THSD7B: variants seen among roughly 807,000 people sequenced by gnomAD.
The protein encoded by THSD7B is thrombospondin type 1 domain containing 7B.
In THSD7B, 138 loss-of-function variants were observed where a neutral mutation model predicts 213.6. That is an observed-to-expected ratio of 0.65 (90% CI 0.56 to 0.74). The LOEUF (loss-of-function observed/expected upper bound fraction) is 0.74. Among genes scored for constraint, THSD7B ranks in the 30% least tolerant of loss-of-function variants. THSD7B has a pLI of 0.00. For missense variants in THSD7B, 1,931 were observed against 1,991.5 expected (o/e 0.97, Z 0.58); for synonymous variants, 742 against 687.0 (o/e 1.08, Z -1.25).
chr2:137,090,049 T>C (rs1687921047), intron 3 of THSD7B, among the ~76,000 whole-genome samples: 1 of 151,472 alleles, frequency 6.6e-6, no homozygotes, highest in Admixed American at 6.6e-5. Flanking sequence ...AACTTACTCA[T>C]GTCACCAAAC....
chr2:137,200,222 G>A (rs2375119), intron 7 of THSD7B, among the ~76,000 whole-genome samples: 126,833 of 152,104 alleles, frequency 0.83, 53,819 homozygotes, highest in Middle Eastern at 0.94. Flanking sequence ...GTATATTCCT[G>A]TATGCCTTCC....
chr2:137,285,118 T>C (rs377370301), intron 12 of THSD7B, among the ~76,000 whole-genome samples: 1 of 152,134 alleles, frequency 6.6e-6, no homozygotes, highest in Non-Finnish European at 1.5e-5. Flanking sequence ...GGATAGTTAG[T>C]TCTTCTTGTT....
intron 12 of THSD7B, among the ~76,000 whole-genome samples, chr2:137,284,458 C>T (rs1683118449): frequency 6.6e-6 from 1 of 152,014 alleles, no homozygotes; most frequent in Admixed American, 6.5e-5. Context: ...TATATGTTCG[C>T]TCTTGCTTCT....
chr2:137,659,807 C>A, intron 25 of THSD7B, 61 bp downstream of exon 25: 1 of 1,485,268 alleles, frequency 6.7e-7, no homozygotes, highest in Non-Finnish European at 9.1e-7. Context: ...CACATGCAAT[C>A]AGATGTTCTC....
At chr2:137,339,024 C>T (rs1460263192) in intron 12 of THSD7B, among the ~76,000 whole-genome samples, 3 of 152,058 alleles carry the variant, frequency 2.0e-5, no homozygotes, top group East Asian at 1.9e-4. Flanking sequence ...CTCAAGAAAT[C>T]TGTAATCTCT....
intron 15 of THSD7B, among the ~76,000 whole-genome samples, chr2:137,545,563 C>T (rs1354740626): frequency 6.6e-6 from 1 of 151,854 alleles, no homozygotes; most frequent in Non-Finnish European, 1.5e-5. Context: ...GAATCCAAGA[C>T]AAGTAAAGTA....
At chr2:136,951,957 C>T (rs773891346) in intron 2 of THSD7B, among the ~76,000 whole-genome samples, 3 of 152,130 alleles carry the variant, frequency 2.0e-5, no homozygotes, top group Non-Finnish European at 4.4e-5. Context: ...GCAACCTCCG[C>T]CTCTTGGGTT....
At chr2:137,523,588 G>T (rs558957247) in intron 15 of THSD7B, among the ~76,000 whole-genome samples, 1 of 152,292 alleles carries the variant, frequency 6.6e-6, no homozygotes, top group East Asian at 1.9e-4. Context: ...ACAATTGGTT[G>T]CATACTCAAT....
At chr2:136,909,072 A>G (rs1282038460) in intron 2 of THSD7B, among the ~76,000 whole-genome samples, 1 of 152,124 alleles carries the variant, frequency 6.6e-6, no homozygotes, top group South Asian at 2.1e-4. Flanking sequence ...AGTCCCAGCT[A>G]CTAGGGAGGC....
chr2:137,146,485 C>T (rs1558937748), intron 5 of THSD7B, among the ~76,000 whole-genome samples: 1 of 152,040 alleles, frequency 6.6e-6, no homozygotes, highest in African/African-American at 2.4e-5. Flanking sequence ...AAAAAAAACA[C>T]TTCAGTTGTC....
chr2:136,833,906 C>T (rs1177344693), intron 1 of THSD7B, among the ~76,000 whole-genome samples: 1 of 152,148 alleles, frequency 6.6e-6, no homozygotes, highest in Non-Finnish European at 1.5e-5. Flanking sequence ...AAAAGTTTCA[C>T]TCATCTAAAA....
intron 1 of THSD7B, among the ~76,000 whole-genome samples, chr2:136,864,853 A>G (rs1210234752): frequency 6.6e-6 from 1 of 152,164 alleles, no homozygotes; most frequent in African/African-American, 2.4e-5. Flanking sequence ...TGCCTGGCCT[A>G]TTTTTATACT....
At chr2:137,346,124 A>C (rs1424214652) in intron 12 of THSD7B, among the ~76,000 whole-genome samples, 1 of 151,574 alleles carries the variant, frequency 6.6e-6, no homozygotes, top group Non-Finnish European at 1.5e-5. Context: ...AAAATTTACC[A>C]TACTAAACAT....
At chr2:136,811,010 A>C (rs181005120) in intron 1 of THSD7B, among the ~76,000 whole-genome samples, 117 of 152,290 alleles carry the variant, frequency 7.7e-4, no homozygotes, top group Non-Finnish European at 1.1e-3. Context: ...AGTTGCGTGA[A>C]TGGAACCCAA....
chr2:137,616,465 A>G (rs896642513), intron 18 of THSD7B, 149 bp downstream of exon 18: 2 of 629,378 alleles, frequency 3.2e-6, no homozygotes, highest in African/African-American at 3.7e-5. Context: ...TGTTTCTAGT[A>G]TCCCCTCACA....
At chr2:136,922,985 A>G (rs1377672653) in intron 2 of THSD7B, among the ~76,000 whole-genome samples, 1 of 152,148 alleles carries the variant, frequency 6.6e-6, no homozygotes, top group South Asian at 2.1e-4. Context: ...TCATTAATTT[A>G]CTATCTTAAC....
chr2:137,246,093 G>A (rs975796152), intron 10 of THSD7B, among the ~76,000 whole-genome samples: 1 of 152,138 alleles, frequency 6.6e-6, no homozygotes, highest in Non-Finnish European at 1.5e-5. Context: ...CTAGCAGGTG[G>A]GGACAGGGTG....
At chr2:137,386,069 G>C (rs1252905559) in intron 12 of THSD7B, among the ~76,000 whole-genome samples, 1 of 152,158 alleles carries the variant, frequency 6.6e-6, no homozygotes, top group Non-Finnish European at 1.5e-5. Flanking sequence ...GAAGTGAGTA[G>C]CATGAGCAGG....
chr2:137,621,303 C>G (rs1002753637), intron 20 of THSD7B, among the ~76,000 whole-genome samples: 2 of 152,144 alleles, frequency 1.3e-5, no homozygotes, highest in South Asian at 4.1e-4. Context: ...CAAAATTGCT[C>G]TATGTTTCCA....
Sources: allele counts gnomAD v4.1 joint callset (sites outside exome capture counted in the v4.1 genomes callset), GRCh38; gene constraint gnomAD v4.1.1; transcripts MANE v1.5; gene names NCBI Gene and HGNC (gene_info 2026-07-23, HGNC 2026-07-21).